Variants in MED13L observed in about 807,000 individuals in gnomAD.
MED13L encodes mediator of RNA polymerase II transcription subunit 13-like.
MED13L carries 7 observed loss-of-function variants against 220.9 expected under a neutral mutation model. That is an observed-to-expected ratio of 0.03 (90% confidence interval 0.02 to 0.06). MED13L has a LOEUF of 0.06. MED13L is among the 10% of genes least tolerant of loss of function. MED13L has a pLI of 1.00. For synonymous variants in MED13L, 1,011 were observed against 1,015.2 expected (o/e 1.00, Z 0.08); for missense variants, 1,965 against 2,760.5 (o/e 0.71, Z 6.46).
chr12:116,030,795 G>A (rs1229852535), intron 4 of MED13L, among the ~76,000 whole-genome samples: 1 of 151,984 alleles, frequency 6.6e-6, no homozygotes, highest in African/African-American at 2.4e-5. Context: ...CGATAAATCT[G>A]ATATATATGA....
intron 14 of MED13L, among the ~76,000 whole-genome samples, chr12:116,001,779 A>G (rs552430587): frequency 6.6e-6 from 1 of 152,232 alleles, no homozygotes; most frequent in Admixed American, 6.5e-5. Context: ...CTTTATCATA[A>G]AATTTTGAAT....
At position 116,084,987 on chromosome 12, in the gene MED13L, T is replaced by C. The variant is rs114766096; in HGVS notation, c.479+11682A>G. ...GCCAACTGTTTTCAATTATATATAC[T>C]GCGATGTCCGTTTATTTTTCTACAT... On this transcript the variant is annotated intron_variant, in intron 4 of 30. Transcript: ENST00000281928. Among the ~76,000 whole-genome samples the C allele has an allele frequency of 5.1e-3, 778 of 152,228 alleles. 9 individuals carry two copies. Among genetic ancestry groups the C allele is most frequent in the African/African-American group, 0.018 (733 of 41,550 alleles).
intron 4 of MED13L, chr12:116,082,648 T>C (rs1871312524): frequency 6.6e-6 from 1 of 151,738 alleles, no homozygotes; most frequent in Non-Finnish European, 1.5e-5. Flanking sequence ...AACGATGACA[T>C]GCAAATTCAT....
intron 2 of MED13L, among the ~76,000 whole-genome samples, chr12:116,173,268 A>C (rs1463896280): frequency 6.6e-6 from 1 of 152,226 alleles, no homozygotes; most frequent in Non-Finnish European, 1.5e-5. Context: ...CTTTAAAATA[A>C]AAACTTCAAT....
chr12:116,001,380 A>G (rs1878732464), intron 14 of MED13L, among the ~76,000 whole-genome samples: 1 of 152,154 alleles, frequency 6.6e-6, no homozygotes, highest in Non-Finnish European at 1.5e-5. Flanking sequence ...TATTTTAAGT[A>G]GAGATGGGGT....
intron 1 of MED13L, among the ~76,000 whole-genome samples, chr12:116,265,541 TCATTTGAGATTCAC>T (rs1872769460): frequency 6.6e-6 from 1 of 152,234 alleles, no homozygotes; most frequent in African/African-American, 2.4e-5. Flanking sequence ...TCCCATCTGC[TCATTTGAGATTCAC>T]GTCTGTCCAG....
chr12:116,210,550 C>CAT (rs1161320463), intron 2 of MED13L, among the ~76,000 whole-genome samples: 1 of 60,388 alleles, frequency 1.7e-5, no homozygotes, highest in East Asian at 4.3e-4. Context: ...CAGAACGTAA[C>CAT]CTATATATAT....
chr12:116,250,047 A>AAAC, intron 1 of MED13L, among the ~76,000 whole-genome samples: 2 of 149,732 alleles, frequency 1.3e-5, no homozygotes, highest in African/African-American at 4.9e-5. Flanking sequence ...AAAAAAAAAA[A>AAAC]AACACACCAA....
intron 22 of MED13L, 89 bp from the exon 23 acceptor site, chr12:115,981,027 G>A (rs1167286564): frequency 1.2e-5 from 13 of 1,112,046 alleles, no homozygotes; most frequent in South Asian, 2.7e-5. Flanking sequence ...AAAAGGAAAC[G>A]GCATGAATTC....
At chr12:116,273,756 A>C (rs1477183801) in intron 1 of MED13L, among the ~76,000 whole-genome samples, 2 of 152,214 alleles carry the variant, frequency 1.3e-5, no homozygotes, top group Non-Finnish European at 2.9e-5. Flanking sequence ...ATATCTAAGA[A>C]CTAGAGATCA....
chr12:116,103,915 T>C (rs1873312109), intron 3 of MED13L, among the ~76,000 whole-genome samples: 1 of 151,858 alleles, frequency 6.6e-6, no homozygotes, highest in Non-Finnish European at 1.5e-5. Flanking sequence ...TCACGATTTC[T>C]TCAACTAGGG....
At chr12:116,204,033 A>G (rs1882166418) in intron 2 of MED13L, among the ~76,000 whole-genome samples, 1 of 152,216 alleles carries the variant, frequency 6.6e-6, no homozygotes, top group African/African-American at 2.4e-5. Flanking sequence ...GACTTTCAGA[A>G]GGCTTCAATA....
intron 2 of MED13L, among the ~76,000 whole-genome samples, chr12:116,235,009 A>G (rs1869943669): frequency 1.3e-5 from 2 of 152,198 alleles, no homozygotes; most frequent in South Asian, 4.1e-4. Flanking sequence ...ATATTAGAGA[A>G]TGAAATAGAT....
intron 4 of MED13L, 58 bp from the exon 5 acceptor site, chr12:116,022,659 A>G: frequency 6.5e-7 from 1 of 1,545,354 alleles, no homozygotes; most frequent in Non-Finnish European, 8.8e-7. Flanking sequence ...GGGTGCTAGA[A>G]ACAGGAACTA....
intron 4 of MED13L, among the ~76,000 whole-genome samples, chr12:116,025,397 T>G (rs1880327657): frequency 6.6e-6 from 1 of 152,214 alleles, no homozygotes; most frequent in Non-Finnish European, 1.5e-5. Flanking sequence ...CCAAAGGAAA[T>G]GAACTCAGTA....
At chr12:116,038,658 A>T (rs1419771440) in intron 4 of MED13L, among the ~76,000 whole-genome samples, 7 of 146,558 alleles carry the variant, frequency 4.8e-5, no homozygotes, top group Admixed American at 2.8e-4. Context: ...CCGCCAAAAG[A>T]GTGTAAAACA....
chr12:116,198,870 A>G (rs1881822599), intron 2 of MED13L, among the ~76,000 whole-genome samples: 1 of 152,202 alleles, frequency 6.6e-6, no homozygotes, highest in African/African-American at 2.4e-5. Context: ...AGCTTTGGAA[A>G]AAGATATAGA....
At chr12:116,259,571 G>A (rs1285146370) in intron 1 of MED13L, among the ~76,000 whole-genome samples, 1 of 152,184 alleles carries the variant, frequency 6.6e-6, no homozygotes, top group African/African-American at 2.4e-5. Context: ...GCACACACAG[G>A]ACTCCGTAAG....
intron 2 of MED13L, among the ~76,000 whole-genome samples, chr12:116,159,004 T>C (rs1214494099): frequency 6.6e-6 from 1 of 152,156 alleles, no homozygotes; most frequent in Non-Finnish European, 1.5e-5. Flanking sequence ...TCTTATTCTC[T>C]AGGGAAACTG....
Sources: gnomAD v4.1 joint callset for allele counts (sites outside exome capture counted in the v4.1 genomes callset) on GRCh38, gnomAD v4.1.1 for gene constraint, MANE v1.5 for transcripts, NCBI Gene and HGNC (gene_info 2026-07-23, HGNC 2026-07-21) for gene names.